Variants in MRC2 observed in about 807,000 individuals in gnomAD.
MRC2 encodes C-type mannose receptor 2.
In MRC2, 84 loss-of-function variants were observed where a neutral mutation model predicts 206.2. That is an observed-to-expected ratio of 0.41 (90% confidence interval 0.34 to 0.49). MRC2 has a LOEUF of 0.49. Ranked by LOEUF, MRC2 falls within the 20% of genes least tolerant of loss-of-function variation. The pLI, the probability that MRC2 is intolerant of heterozygous loss-of-function variation, is 0.31. For missense variants in MRC2, 1,676 were observed against 2,001.5 expected (o/e 0.84, Z 3.10); for synonymous variants, 798 against 800.0 (o/e 1.00, Z 0.04).
chr17:62,692,530 G>A lies in MRC2; in HGVS notation c.*79G>A. On this transcript the variant is annotated 3_prime_UTR_variant, in exon 30 of 30. Coordinates refer to ENST00000303375, the MANE Select transcript of MRC2 (RefSeq NM_006039.5). The surrounding 1 kb of genome is among the most constrained non-coding windows in gnomAD (Gnocchi z 4.2). ...GGGTCAGTCTGGCCCCCCACCAGCT[G>A]CCTGTCCAGTTGGCCTATGGAAGGG... The A allele has an allele frequency of 2.1e-6, 3 of 1,403,978 alleles. No individual in the cohort carries two copies. Among genetic ancestry groups the A allele is most frequent in the Non-Finnish European group, 2.9e-6 (3 of 1,033,998 alleles). 87.0% of individuals were successfully genotyped at this position (1,403,978 alleles called of 1,614,324 possible).
chr17:62,688,042 G>A (rs181137288), intron 20 of MRC2, among the ~76,000 whole-genome samples: 2 of 152,128 alleles, frequency 1.3e-5, no homozygotes, highest in Non-Finnish European at 2.9e-5. Context: ...AGCCTTTGAC[G>A]GCCCAAAGAA....
chr17:62,673,972 A>G lies in MRC2; in HGVS notation c.1462-91A>G, dbSNP rs1282928497. ...CAGAATCACACAGTAAGTCAGAGAC[A>G]GGGCCAGCTCTAGGAACCAGATTCC... On this transcript the variant is annotated intron_variant, in intron 8 of 29. Coordinates refer to ENST00000303375, the MANE Select transcript of MRC2 (RefSeq NM_006039.5). 9 of 997,262 alleles carry G rather than the reference A, an allele frequency of 9.0e-6. No homozygotes were observed. The Admixed American group carries it at 1.9e-4, about 21-fold the overall frequency. 61.8% of individuals were successfully genotyped at this position (997,262 alleles called of 1,614,324 possible). A position where few individuals can be genotyped will look rare whatever the true frequency, so the allele number is the denominator to read the frequency against.
In MRC2 at chr17:62,680,003, G is replaced by A; in HGVS notation, c.2298+101G>A. 1 of 1,457,302 alleles carries A rather than the reference G, an allele frequency of 6.9e-7. No individual in the cohort carries two copies. Among genetic ancestry groups the A allele is most frequent in the South Asian group, 1.3e-5 (1 of 75,680 alleles). 90.3% of individuals were successfully genotyped at this position (1,457,302 alleles called of 1,614,324 possible). A position where few individuals can be genotyped will look rare whatever the true frequency, so the allele number is the denominator to read the frequency against. ...AGGTGGGCGGGTTTTCTTGAGGGCC[G>A]GGCCCCCAGTCGGAGCCGGCTTCAG... On this transcript the variant is annotated intron_variant, in intron 14 of 29. Transcript: ENST00000303375. The surrounding 1 kb of genome is among the most constrained non-coding windows in gnomAD (Gnocchi z 4.8).
chr17:62,636,622 C>G (rs548515012), intron 1 of MRC2, among the ~76,000 whole-genome samples: 2 of 152,080 alleles, frequency 1.3e-5, no homozygotes, highest in South Asian at 4.2e-4. Flanking sequence ...GCACTCACCA[C>G]CACGCCTGGC....
intron 1 of MRC2, among the ~76,000 whole-genome samples, chr17:62,635,389 C>T (rs567290945): frequency 6.6e-6 from 1 of 152,178 alleles, no homozygotes; most frequent in Non-Finnish European, 1.5e-5. Context: ...TCTTTATCAC[C>T]TTCCTCTTCA....
intron 1 of MRC2, among the ~76,000 whole-genome samples, chr17:62,635,191 CT>C (rs35446845): frequency 0.33 from 33,689 of 101,466 alleles, 4,768 homozygotes; most frequent in South Asian, 0.44. Context: ...CTATTTTTCT[CT>C]TTTTTTTTTT....
At position 62,664,993 on chromosome 17, in the gene MRC2, C is replaced by A; in HGVS notation, c.520+44C>A. 1 of 1,550,686 alleles carries A rather than the reference C, an allele frequency of 6.4e-7. No individual in the cohort carries two copies. The highest frequency in any genetic ancestry group is 8.7e-7 in the Non-Finnish European group (1 of 1,152,708). On this transcript the variant is annotated intron_variant, in intron 2 of 29. Transcript: ENST00000303375. The surrounding 1 kb of genome is among the most constrained non-coding windows in gnomAD (Gnocchi z 4.7). Reference sequence around the variant, plus strand: ...GCGGGAGGGTGGGGTCCCCGATGTCCAGGGGACTGGAGCCATGAGGGACAG... The same window carrying A: ...GCGGGAGGGTGGGGTCCCCGATGTCAAGGGGACTGGAGCCATGAGGGACAG...
At position 62,671,624 on chromosome 17, in the gene MRC2, G is replaced by A. The variant is rs761213830; in HGVS notation, c.1118-25G>A. 6.5e-6 allele frequency: 10 copies of A among 1,539,476 alleles called. No individual in the cohort carries two copies. The highest frequency in any genetic ancestry group is 3.9e-5 in the Admixed American group (2 of 50,834). ...CCAGACTGGGCGGCTCAGTCCCTGA[G>A]CAGCAGCCTCATGGGTCTCTGCAGA... On this transcript the variant is annotated intron_variant, in intron 6 of 29. Transcript: ENST00000303375. The surrounding 1 kb of genome is among the most constrained non-coding windows in gnomAD (Gnocchi z 4.5).
intron 12 of MRC2, among the ~76,000 whole-genome samples, chr17:62,677,931 T>A (rs2147479086): frequency 6.6e-6 from 1 of 152,254 alleles, no homozygotes; most frequent in East Asian, 1.9e-4. Context: ...GCGCCTGTTG[T>A]CCCAGCTACT....
chr17:62,632,258 C>T (rs2084222082), intron 1 of MRC2, among the ~76,000 whole-genome samples: 1 of 152,132 alleles, frequency 6.6e-6, no homozygotes. Context: ...GGGTCGACCC[C>T]CTCAACTGCA....
chr17:62,649,356 T>C (rs559098643), intron 1 of MRC2, among the ~76,000 whole-genome samples: 1 of 152,360 alleles, frequency 6.6e-6, no homozygotes, highest in East Asian at 1.9e-4. Flanking sequence ...TTTGGGAGGC[T>C]GAGGCAGATG....
intron 1 of MRC2, among the ~76,000 whole-genome samples, chr17:62,640,791 TCTC>T (rs1393881401): frequency 6.6e-6 from 1 of 151,556 alleles, no homozygotes; most frequent in Non-Finnish European, 1.5e-5. Context: ...TTCACGCCAT[TCTC>T]CTGCCTCAGC....
Position 62,692,479 on chromosome 17 carries a change from G to T in MRC2, c.*28G>T, listed in dbSNP as rs867959269. On this transcript the variant is annotated 3_prime_UTR_variant, in exon 30 of 30. Coordinates refer to ENST00000303375, the MANE Select transcript of MRC2 (RefSeq NM_006039.5). The surrounding 1 kb of genome is among the most constrained non-coding windows in gnomAD (Gnocchi z 4.2). ...CCAGGCGCGTGGGCAGGGCCAGGGC[G>T]GGAGGAGCTGGGGAGCTGGGGCCCT... is the stretch of plus-strand genomic sequence containing the variant. 3 of 1,538,320 alleles carry T rather than the reference G, an allele frequency of 2.0e-6. No individual in the cohort carries two copies. The highest frequency in any genetic ancestry group is 2.6e-6 in the Non-Finnish European group (3 of 1,137,812).
At chr17:62,647,905 C>T (rs2147445343) in intron 1 of MRC2, among the ~76,000 whole-genome samples, 1 of 152,302 alleles carries the variant, frequency 6.6e-6, no homozygotes, top group Non-Finnish European at 1.5e-5. Context: ...GCGGGCAGCA[C>T]GAGGTACCTG....
intron 22 of MRC2, 27 bp downstream of exon 22, chr17:62,688,691 C>T (rs182134043): frequency 9.6e-5 from 154 of 1,610,556 alleles, no homozygotes; most frequent in African/African-American, 4.4e-4. Context: ...TGTTCCCCTC[C>T]GCACCGCGCT....
At chr17:62,656,429 C>A in intron 1 of MRC2, among the ~76,000 whole-genome samples, 1 of 152,214 alleles carries the variant, frequency 6.6e-6, no homozygotes, top group East Asian at 1.9e-4. Context: ...TGGGCTCAAA[C>A]GATCTTCCCA....
Position 62,671,536 on chromosome 17 carries a change from A to C in MRC2, c.1118-113A>C. 2.2e-6 allele frequency: 2 copies of C among 913,636 alleles called. No individual in the cohort carries two copies. Among genetic ancestry groups the C allele is most frequent in the South Asian group, 2.1e-5 (1 of 46,748 alleles). 56.6% of individuals were successfully genotyped at this position (913,636 alleles called of 1,614,324 possible). On this transcript the variant is annotated intron_variant, in intron 6 of 29. Coordinates refer to ENST00000303375, the MANE Select transcript of MRC2 (RefSeq NM_006039.5). This position sits in a 1 kb window ranked among gnomAD's most constrained non-coding sequence, Gnocchi z 4.5. ...GTGGGGACCGGGATTGATCTGGGAG[A>C]GTTTGGAGAGGAGGTGACTGGGAGG...
chr17:62,677,261 T>C lies in MRC2; in HGVS notation c.1835-8T>C. On this transcript the variant is annotated splice_region_variant and splice_polypyrimidine_tract_variant and intron_variant, in intron 11 of 29. Transcript: ENST00000303375. ...TCAGAGCCTGGGTCTCCCTTCCCTC[T>C]CCTTCAGGGTACAGCCGTGGGGGCT... The C allele has an allele frequency of 6.3e-7, 1 of 1,575,534 alleles. No homozygotes were observed. The highest frequency in any genetic ancestry group is 8.6e-7 in the Non-Finnish European group (1 of 1,157,508).
In MRC2 at chr17:62,636,077, G is replaced by A. The variant is rs187937288; in HGVS notation, c.118+8157G>A. Among the ~76,000 whole-genome samples, 76 of 151,318 alleles carry A rather than the reference G, an allele frequency of 5.0e-4. 1 individual carries two copies. Among genetic ancestry groups the A allele is most frequent in the African/African-American group, 1.7e-3 (70 of 41,300 alleles). On this transcript the variant is annotated intron_variant, in intron 1 of 29. Transcript: ENST00000303375. ...GCTAGGATTACAGGCGTGAGCCACC[G>A]CGCCCGGCCAATTTTTTTTTTTTTA...
Sources: allele counts gnomAD v4.1 joint callset (sites outside exome capture counted in the v4.1 genomes callset), GRCh38; gene constraint gnomAD v4.1.1; non-coding constraint Gnocchi (gnomAD v3.1); transcripts MANE v1.5; gene names NCBI Gene and HGNC (gene_info 2026-07-23, HGNC 2026-07-21).